DYM: variants seen among roughly 807,000 people sequenced by gnomAD.
DYM encodes the protein dymeclin.
Under a neutral mutation model 93.1 loss-of-function variants are expected in DYM, and 78 were observed. The observed-to-expected ratio is 0.84, with a 90% confidence interval of 0.70 to 1.01. The LOEUF is 1.01. Ranked by LOEUF, DYM falls within the 50% of genes least tolerant of loss-of-function variation. The pLI, the probability that DYM is intolerant of heterozygous loss-of-function variation, is 0.00. For synonymous variants in DYM, 321 were observed against 319.7 expected, an observed-to-expected ratio of 1.00 and a Z score of -0.04; for missense variants, 789 against 845.0, an observed-to-expected ratio of 0.93 and a Z score of 0.82.
intron 1 of DYM, among the ~76,000 whole-genome samples, chr18:49,435,423 TAAAAAAAAAA>T (rs58887917): frequency 8.0e-6 from 1 of 124,764 alleles, no homozygotes; most frequent in African/African-American, 3.0e-5. Context: ...ACTAAAACAG[TAAAAAAAAAA>T]AAAAAAAAAG....
At chr18:49,293,462 AT>A (rs1177457469) in intron 8 of DYM, among the ~76,000 whole-genome samples, 1 of 152,128 alleles carries the variant, frequency 6.6e-6, no homozygotes, top group African/African-American at 2.4e-5. Flanking sequence ...AAGCATTCCT[AT>A]TTCTCCACAT....
chr18:49,137,302 G>C (rs1256223624), intron 15 of DYM, among the ~76,000 whole-genome samples: 1 of 152,212 alleles, frequency 6.6e-6, no homozygotes, highest in Non-Finnish European at 1.5e-5. Flanking sequence ...TCTCAGTCCT[G>C]TCCTGGTGAC....
intron 15 of DYM, among the ~76,000 whole-genome samples, chr18:49,152,459 CA>C (rs1179100934): frequency 6.6e-6 from 1 of 152,134 alleles, no homozygotes; most frequent in African/African-American, 2.4e-5. Context: ...CCTGGCTTTT[CA>C]TAAGGAAAAA....
At chr18:49,238,075 G>C (rs2093926135) in intron 13 of DYM, among the ~76,000 whole-genome samples, 1 of 152,132 alleles carries the variant, frequency 6.6e-6, no homozygotes, top group Non-Finnish European at 1.5e-5. Context: ...CTGGGTCAAA[G>C]GGTGATGTTA....
At chr18:49,269,497 C>T (rs538910227) in intron 11 of DYM, among the ~76,000 whole-genome samples, 27 of 152,302 alleles carry the variant, frequency 1.8e-4, no homozygotes, top group African/African-American at 5.5e-4. Context: ...AAGATAGCTG[C>T]ACTCCCACAT....
intron 15 of DYM, among the ~76,000 whole-genome samples, chr18:49,153,073 C>T (rs369308352): frequency 6.6e-6 from 1 of 152,138 alleles, no homozygotes; most frequent in Admixed American, 6.6e-5. Context: ...CTGTATTGTA[C>T]ACGTGATATT....
chr18:49,370,750 G>A (rs1018906580), intron 5 of DYM, among the ~76,000 whole-genome samples: 2 of 152,210 alleles, frequency 1.3e-5, no homozygotes, highest in African/African-American at 4.8e-5. Flanking sequence ...CTGGGAAAGA[G>A]AGCAAGACTC....
rs373989432 is a variant in DYM at position 49,290,788 on chromosome 18, T to G, written c.764-4172A>C. Among the ~76,000 whole-genome samples the G allele has an allele frequency of 1.1e-4, 17 of 152,072 alleles. 1 individual carries two copies. Among genetic ancestry groups the G allele is most frequent in the African/African-American group, 3.9e-4 (16 of 41,480 alleles). On this transcript the variant is annotated intron_variant, in intron 8 of 17. Coordinates refer to ENST00000675505, the MANE Select transcript of DYM (RefSeq NM_001353214.3). ...AGTGGTCATTCGTCATGGAGCAGAG[T>G]GGGAGTGAAGGTGGCTTCAGGAGAG...
intron 5 of DYM, among the ~76,000 whole-genome samples, chr18:49,377,681 CTCTT>C (rs2067643928): frequency 6.6e-6 from 1 of 152,162 alleles, no homozygotes. Context: ...TGAACAGTAA[CTCTT>C]TTATACGTTT....
chr18:49,379,428 T>A (rs1347540815), intron 4 of DYM, among the ~76,000 whole-genome samples: 1 of 152,148 alleles, frequency 6.6e-6, no homozygotes, highest in East Asian at 1.9e-4. Context: ...TTATTCACCT[T>A]CTTAAAGAAT....
At chr18:49,409,640 AT>A (rs2071977415) in intron 2 of DYM, among the ~76,000 whole-genome samples, 1 of 152,250 alleles carries the variant, frequency 6.6e-6, no homozygotes, top group African/African-American at 2.4e-5. Context: ...AGGAAAAAAT[AT>A]TTGTTGGTAG....
intron 17 of DYM, among the ~76,000 whole-genome samples, chr18:49,059,835 C>T (rs948558308): frequency 6.6e-6 from 1 of 152,160 alleles, no homozygotes. Flanking sequence ...CATGGGCACT[C>T]ATTTAAGCTA....
At chr18:49,182,600 G>T (rs2090033508) in intron 14 of DYM, among the ~76,000 whole-genome samples, 1 of 152,048 alleles carries the variant, frequency 6.6e-6, no homozygotes. Flanking sequence ...GCTTTCTTTT[G>T]CTGGTGTTAG....
chr18:49,388,979 T>C (rs999093421), intron 3 of DYM, among the ~76,000 whole-genome samples: 2 of 151,926 alleles, frequency 1.3e-5, no homozygotes, highest in Non-Finnish European at 2.9e-5. Context: ...TAAAAAAATT[T>C]TTTTTTCAAA....
intron 13 of DYM, among the ~76,000 whole-genome samples, chr18:49,219,569 G>T (rs2093252691): frequency 6.6e-6 from 1 of 152,058 alleles, no homozygotes. Context: ...TGATCAAGTG[G>T]GCTTCATCCC....
chr18:49,095,854 T>C (rs2145516160), intron 17 of DYM, among the ~76,000 whole-genome samples: 1 of 152,314 alleles, frequency 6.6e-6, no homozygotes, highest in South Asian at 2.1e-4. Flanking sequence ...TACAGTGAAC[T>C]ACAAGATTAA....
At chr18:49,309,464 G>A (rs1240762785) in intron 8 of DYM, among the ~76,000 whole-genome samples, 1 of 152,088 alleles carries the variant, frequency 6.6e-6, no homozygotes. Context: ...GCAAGATGCA[G>A]TCTCTATAAA....
intron 17 of DYM, among the ~76,000 whole-genome samples, chr18:49,058,953 A>G (rs2075729709): frequency 6.6e-6 from 1 of 152,230 alleles, no homozygotes; most frequent in Admixed American, 6.5e-5. Context: ...AAAAGGGGTG[A>G]CAACATCTGA....
intron 17 of DYM, among the ~76,000 whole-genome samples, chr18:49,083,774 T>G (rs1377908373): frequency 1.3e-5 from 2 of 152,172 alleles, no homozygotes; most frequent in African/African-American, 4.8e-5. Flanking sequence ...AATGTTTAAT[T>G]TGTTCATTTC....
Sources: gnomAD v4.1 joint callset for allele counts (sites outside exome capture counted in the v4.1 genomes callset) on GRCh38, gnomAD v4.1.1 for gene constraint, MANE v1.5 for transcripts, NCBI Gene and HGNC (gene_info 2026-07-23, HGNC 2026-07-21) for gene names.